The following CCDC91 variants were observed in gnomAD, a reference collection of about 807,000 sequenced individuals.
CCDC91 encodes the protein coiled-coil domain-containing protein 91.
CCDC91 carries 48 observed loss-of-function variants against 63.2 expected under a neutral mutation model. The observed-to-expected ratio is 0.76, with a 90% CI of 0.60 to 0.97. The LOEUF (loss-of-function observed/expected upper bound fraction) is 0.97, where lower values mean the gene tolerates loss of function less well. Ranked by LOEUF, CCDC91 falls within the 50% of genes least tolerant of loss-of-function variation. The probability of loss-of-function intolerance (pLI) is 0.00; values close to 1 mark genes in which losing one functional copy is unlikely to be tolerated. For synonymous variants in CCDC91, 167 were observed against 165.8 expected, an observed-to-expected ratio of 1.01 and a Z score of -0.06; for missense variants, 500 against 494.6, an observed-to-expected ratio of 1.01 and a Z score of -0.10.
At chr12:28,330,717 T>C (rs1565807997) in intron 6 of CCDC91, among the ~76,000 whole-genome samples, 1 of 152,198 alleles carries the variant, frequency 6.6e-6, no homozygotes, top group Non-Finnish European at 1.5e-5. Context: ...TTAAGCAACA[T>C]TGAGGTGGCT....
chr12:28,373,554 C>G (rs1944753852), intron 7 of CCDC91, among the ~76,000 whole-genome samples: 1 of 152,076 alleles, frequency 6.6e-6, no homozygotes, highest in South Asian at 2.1e-4. Context: ...ATCAGTAGTT[C>G]TTAAGGTTTA....
At chr12:28,307,837 T>G (rs902756323) in intron 6 of CCDC91, 88 bp downstream of exon 6, 16 of 716,980 alleles carry the variant, frequency 2.2e-5, no homozygotes, top group Non-Finnish European at 3.6e-5. Flanking sequence ...GAATATCTTA[T>G]GAATGAAGAA....
intron 1 of CCDC91, among the ~76,000 whole-genome samples, chr12:28,203,787 G>T (rs548624638): frequency 6.6e-6 from 1 of 152,116 alleles, no homozygotes; most frequent in Non-Finnish European, 1.5e-5. Context: ...ATGTAATTTT[G>T]TTCTTAAATA....
At chr12:28,273,953 C>G (rs936217644) in intron 3 of CCDC91, among the ~76,000 whole-genome samples, 1 of 152,130 alleles carries the variant, frequency 6.6e-6, no homozygotes, top group Non-Finnish European at 1.5e-5. Flanking sequence ...AGGTTTTCTT[C>G]TAGGGTTTTT....
intron 8 of CCDC91, among the ~76,000 whole-genome samples, chr12:28,393,104 G>A (rs2638952): frequency 0.17 from 26,136 of 151,920 alleles, 3,013 homozygotes; most frequent in East Asian, 0.55. Context: ...TTTTGACAGC[G>A]TTCCTAGTCT....
chr12:28,500,252 C>T (rs1265415702), intron 12 of CCDC91, among the ~76,000 whole-genome samples: 2 of 150,738 alleles, frequency 1.3e-5, no homozygotes, highest in African/African-American at 2.4e-5. Flanking sequence ...AGCCCTTTGT[C>T]AGATGGATAG....
chr12:28,272,233 G>C (rs969657454), intron 3 of CCDC91, among the ~76,000 whole-genome samples: 1 of 151,648 alleles, frequency 6.6e-6, no homozygotes, highest in African/African-American at 2.4e-5. Context: ...TCTTTGATTA[G>C]AATTTTTTGG....
intron 3 of CCDC91, among the ~76,000 whole-genome samples, chr12:28,287,239 T>C (rs183335002): frequency 2.0e-5 from 3 of 152,342 alleles, no homozygotes; most frequent in Admixed American, 2.0e-4. Context: ...GTTTTTGCTT[T>C]TGTTGCAATT....
chr12:28,484,755 G>A (rs915823382), intron 12 of CCDC91, among the ~76,000 whole-genome samples: 9 of 151,630 alleles, frequency 5.9e-5, no homozygotes, highest in Non-Finnish European at 1.2e-4. Context: ...ATTTGTTGTC[G>A]TTTCAATAAA....
intron 3 of CCDC91, among the ~76,000 whole-genome samples, chr12:28,262,378 TC>T (rs1946881902): frequency 6.6e-6 from 1 of 152,058 alleles, no homozygotes; most frequent in African/African-American, 2.4e-5. Context: ...ATAAAAATCT[TC>T]ATTCTTGGGG....
At chr12:28,429,479 T>A (rs1056214804) in intron 8 of CCDC91, among the ~76,000 whole-genome samples, 3 of 152,066 alleles carry the variant, frequency 2.0e-5, no homozygotes, top group Non-Finnish European at 2.9e-5. Context: ...AGTAACATTA[T>A]CATGGGAAAC....
intron 1 of CCDC91, among the ~76,000 whole-genome samples, chr12:28,223,507 C>T (rs1174669955): frequency 6.6e-6 from 1 of 152,134 alleles, no homozygotes; most frequent in Admixed American, 6.6e-5. Context: ...TCTGGTGCAA[C>T]TACCTGGCAC....
intron 1 of CCDC91, among the ~76,000 whole-genome samples, chr12:28,252,706 T>C (rs1275900659): frequency 1.3e-5 from 2 of 152,138 alleles, no homozygotes; most frequent in Non-Finnish European, 2.9e-5. Flanking sequence ...ATAGTCTTTG[T>C]TTATTTCATC....
intron 6 of CCDC91, among the ~76,000 whole-genome samples, chr12:28,357,791 CTT>C (rs1049795430): frequency 2.0e-5 from 3 of 151,912 alleles, no homozygotes; most frequent in African/African-American, 7.3e-5. Flanking sequence ...CTTTTGAAGT[CTT>C]TTTTTGCTTA....
intron 12 of CCDC91, among the ~76,000 whole-genome samples, chr12:28,515,258 T>C (rs1939820887): frequency 6.6e-6 from 1 of 151,926 alleles, no homozygotes; most frequent in Non-Finnish European, 1.5e-5. Context: ...TAAAAATGAC[T>C]GGAGAAGAGG....
chr12:28,336,542 A>G (rs1458966758), intron 6 of CCDC91, among the ~76,000 whole-genome samples: 1 of 152,186 alleles, frequency 6.6e-6, no homozygotes, highest in East Asian at 1.9e-4. Flanking sequence ...ATTTTAGGCT[A>G]ACATTTTGGC....
intron 1 of CCDC91, among the ~76,000 whole-genome samples, chr12:28,209,579 C>G (rs565636032): frequency 2.0e-5 from 3 of 151,954 alleles, no homozygotes; most frequent in African/African-American, 7.3e-5. Context: ...TACAGGTGCC[C>G]GCCACCAGGC....
intron 1 of CCDC91, among the ~76,000 whole-genome samples, chr12:28,247,141 T>C (rs1945793352): frequency 6.6e-6 from 1 of 152,180 alleles, no homozygotes; most frequent in African/African-American, 2.4e-5. Flanking sequence ...GAGATGAGGA[T>C]GATAGAAGCA....
At chr12:28,202,694 T>C (rs11612143) in intron 1 of CCDC91, among the ~76,000 whole-genome samples, 39,728 of 152,174 alleles carry the variant, frequency 0.26, 5,457 homozygotes, top group Non-Finnish European at 0.31. Flanking sequence ...GAGCTTAAAG[T>C]GTAGCAAGAA....
Sources: allele counts gnomAD v4.1 joint callset (sites outside exome capture counted in the v4.1 genomes callset), GRCh38; gene constraint gnomAD v4.1.1; transcripts MANE v1.5; gene names NCBI Gene and HGNC (gene_info 2026-07-23, HGNC 2026-07-21).